Variants in KLF13 observed in about 807,000 individuals in gnomAD.
The protein encoded by KLF13 is KLF transcription factor 13.
A neutral mutation model predicts 16.7 loss-of-function variants in KLF13; 8 were observed. The observed-to-expected ratio is 0.48, with a 90% CI of 0.28 to 0.87. The LOEUF (loss-of-function observed/expected upper bound fraction) is 0.87. Among genes scored for constraint, KLF13 ranks in the 40% least tolerant of loss-of-function variants. The probability of loss-of-function intolerance (pLI) is 0.10; values close to 1 mark genes in which losing one functional copy is unlikely to be tolerated. For synonymous variants in KLF13, 245 were observed against 208.4 expected, an observed-to-expected ratio of 1.18 and a Z score of -1.51; for missense variants, 447 against 452.2, an observed-to-expected ratio of 0.99 and a Z score of 0.10.
At chr15:31,402,234 G>A (rs1162091711) in intron 2 of KLF13, among the ~76,000 whole-genome samples, 1 of 152,196 alleles carries the variant, frequency 6.6e-6, no homozygotes, top group African/African-American at 2.4e-5. Flanking sequence ...CTACATGGAT[G>A]GAGAGCCCTC....
chr15:31,402,776 C>A (rs1473489998), intron 2 of KLF13, among the ~76,000 whole-genome samples: 1 of 152,152 alleles, frequency 6.6e-6, no homozygotes, highest in Non-Finnish European at 1.5e-5. Context: ...AGAGAAGGTC[C>A]TCTTTCCCCT....
At chr15:31,351,734 G>A (rs1323862070) in intron 1 of KLF13, among the ~76,000 whole-genome samples, 7 of 152,170 alleles carry the variant, frequency 4.6e-5, no homozygotes, top group South Asian at 2.1e-4. Flanking sequence ...TTTGCACACC[G>A]GGCGCGGTGG....
At chr15:31,367,199 C>T (rs1019134410) in intron 1 of KLF13, among the ~76,000 whole-genome samples, 3 of 152,184 alleles carry the variant, frequency 2.0e-5, no homozygotes, top group African/African-American at 4.8e-5. Flanking sequence ...GTGTCACTAC[C>T]AGGGGACCCA....
Position 31,377,634 on chromosome 15 carries a change from T to C in KLF13, c.*5335T>C, listed in dbSNP as rs2140972758. 6.5e-6 allele frequency: 1 copy of C among 152,740 alleles called. No individual in the cohort carries two copies. Among genetic ancestry groups the C allele is most frequent in the Middle Eastern group, 3.4e-3 (1 of 294 alleles). 9.5% of individuals were successfully genotyped at this position (152,740 alleles called of 1,614,324 possible). On this transcript the variant is annotated 3_prime_UTR_variant, in exon 2 of 2. Coordinates refer to ENST00000307145, the MANE Select transcript of KLF13 (RefSeq NM_015995.4). ...TTTCTTTTCTGTAGGAACTTTTTTT[T>C]AACCAGCACCCACCATAATTCCGAA...
At chr15:31,328,647 C>T (rs956265517) in intron 1 of KLF13, among the ~76,000 whole-genome samples, 17 of 152,046 alleles carry the variant, frequency 1.1e-4, no homozygotes, top group Admixed American at 9.8e-4. Flanking sequence ...GAGCCTCCAG[C>T]CTGGGGATCA....
intron 1 of KLF13, among the ~76,000 whole-genome samples, chr15:31,339,659 C>T (rs1017253459): frequency 2.6e-5 from 4 of 152,228 alleles, no homozygotes; most frequent in Non-Finnish European, 5.9e-5. Flanking sequence ...GCCCGAGGAG[C>T]GCCCTCCCAC....
chr15:31,343,635 G>A (rs2039065674), intron 1 of KLF13, among the ~76,000 whole-genome samples: 1 of 152,228 alleles, frequency 6.6e-6, no homozygotes, highest in South Asian at 2.1e-4. Flanking sequence ...TTTCATGTTA[G>A]GAGATGATTT....
In KLF13 at chr15:31,384,824, C is replaced by G. The variant is rs371378403; in HGVS notation, n.224-50546C>G. Among the ~76,000 whole-genome samples, 9 of 152,298 alleles carry G rather than the reference C, an allele frequency of 5.9e-5. No individual in the cohort carries two copies. In the East Asian group the frequency reaches 1.7e-3, roughly 29 times the overall value. The stretch of plus-strand genomic sequence containing the variant: ...CAAAAACCATGCTGCACCACAAAAG[C>G]AAGCTGCTAAAGGAGCACCAAACAC... On this transcript the variant is annotated intron_variant and non_coding_transcript_variant, in intron 1 of 1. Coordinates refer to the KLF13 transcript ENST00000558921.
intron 1 of KLF13, among the ~76,000 whole-genome samples, chr15:31,360,113 G>T (rs1441563569): frequency 4.6e-5 from 7 of 152,246 alleles, no homozygotes; most frequent in Non-Finnish European, 1.0e-4. Context: ...GGGCCTGGCC[G>T]TGGGATAGTG....
chr15:31,421,941 C>T (rs2040330805), intron 1 of KLF13, among the ~76,000 whole-genome samples: 1 of 151,978 alleles, frequency 6.6e-6, no homozygotes, highest in Non-Finnish European at 1.5e-5. Context: ...TGATGAAACC[C>T]CATCTCTACC....
chr15:31,352,507 T>C lies in KLF13; in HGVS notation c.578-19503T>C, dbSNP rs534445256. ...TGGGCCATGACGTCGGCCAGCAGCCTCAGCAGCTGCTGAGATTAGCGTCTG... is the reference window on the plus strand; with the variant it reads ...TGGGCCATGACGTCGGCCAGCAGCCCCAGCAGCTGCTGAGATTAGCGTCTG... On this transcript the variant is annotated intron_variant, in intron 1 of 1. Coordinates refer to ENST00000307145, the MANE Select transcript of KLF13 (RefSeq NM_015995.4). Among the ~76,000 whole-genome samples, 166 of 152,334 alleles carry C rather than the reference T, an allele frequency of 1.1e-3. 1 individual carries two copies. Among genetic ancestry groups the C allele is most frequent in the African/African-American group, 3.6e-3 (150 of 41,568 alleles).
chr15:31,363,380 T>C (rs1041989516), intron 1 of KLF13, among the ~76,000 whole-genome samples: 23 of 152,258 alleles, frequency 1.5e-4, no homozygotes, highest in Non-Finnish European at 3.1e-4. Flanking sequence ...CCGTTTGTGA[T>C]AGGAGCTGCA....
At chr15:31,352,244 C>T (rs967536337) in intron 1 of KLF13, among the ~76,000 whole-genome samples, 2 of 152,160 alleles carry the variant, frequency 1.3e-5, no homozygotes, top group Non-Finnish European at 2.9e-5. Context: ...CCTTGGATGC[C>T]GGGTCCTGAG....
chr15:31,434,541 A>T (rs7496920), intron 1 of KLF13, among the ~76,000 whole-genome samples: 85,506 of 151,966 alleles, frequency 0.56, 25,217 homozygotes, highest in South Asian at 0.71. Flanking sequence ...AGAGGCTTGG[A>T]ACTGGGTCTT....
At chr15:31,413,206 A>AAAAAAAAC (rs1566843740) in intron 1 of KLF13, among the ~76,000 whole-genome samples, 1 of 145,450 alleles carries the variant, frequency 6.9e-6, no homozygotes, top group Non-Finnish European at 1.5e-5. Context: ...AAAAAAACAA[A>AAAAAAAAC]AAACAAAAAA....
intron 1 of KLF13, among the ~76,000 whole-genome samples, chr15:31,368,529 T>G (rs1373392809): frequency 6.6e-6 from 1 of 152,216 alleles, no homozygotes; most frequent in Non-Finnish European, 1.5e-5. Flanking sequence ...TTCTTCTTCT[T>G]GTTATGGAAG....
chr15:31,342,938 TC>T (rs1188843080), intron 1 of KLF13, among the ~76,000 whole-genome samples: 2 of 152,230 alleles, frequency 1.3e-5, no homozygotes, highest in African/African-American at 4.8e-5. Context: ...AGCATGGCCT[TC>T]CTCGCTCTCC....
chr15:31,337,263 G>A (rs894781612), intron 1 of KLF13, among the ~76,000 whole-genome samples: 1 of 152,210 alleles, frequency 6.6e-6, no homozygotes, highest in African/African-American at 2.4e-5. Flanking sequence ...CGCCTTACAC[G>A]TGGAAGGTTT....
chr15:31,426,434 G>A (rs1040129113), intron 1 of KLF13, among the ~76,000 whole-genome samples: 5 of 152,106 alleles, frequency 3.3e-5, no homozygotes, highest in Non-Finnish European at 7.4e-5. Context: ...AAAAACACAG[G>A]TAATAAAAGC....
Sources: allele counts gnomAD v4.1 joint callset (sites outside exome capture counted in the v4.1 genomes callset), GRCh38; gene constraint gnomAD v4.1.1; transcripts MANE v1.5; gene names NCBI Gene and HGNC (gene_info 2026-07-23, HGNC 2026-07-21).